TNFAIP8: variants seen among roughly 807,000 people sequenced by gnomAD.
TNFAIP8 encodes the protein tumor necrosis factor alpha-induced protein 8.
Under a neutral mutation model 13.3 loss-of-function variants are expected in TNFAIP8, and 7 were observed. The observed-to-expected ratio is 0.52, with a 90% CI of 0.30 to 0.99. TNFAIP8 has a LOEUF of 0.99. TNFAIP8 is among the 50% of genes least tolerant of loss of function. The pLI, the probability that TNFAIP8 is intolerant of heterozygous loss-of-function variation, is 0.07. For synonymous variants in TNFAIP8, 94 were observed against 87.6 expected (o/e 1.07, Z -0.41); for missense variants, 258 against 236.9 (o/e 1.09, Z -0.58).
chr5:119,359,890 T>C (rs1355431008), intron 1 of TNFAIP8, among the ~76,000 whole-genome samples: 1 of 152,240 alleles, frequency 6.6e-6, no homozygotes, highest in East Asian at 1.9e-4. Context: ...CACCGGACTT[T>C]GACGTGCTTA....
intron 1 of TNFAIP8, among the ~76,000 whole-genome samples, chr5:119,279,719 C>G (rs1748571242): frequency 6.6e-6 from 1 of 152,138 alleles, no homozygotes; most frequent in Admixed American, 6.5e-5. Flanking sequence ...GTAGCTGGGA[C>G]TACAGGTGCA....
chr5:119,320,933 T>G (rs1750035000), intron 1 of TNFAIP8, among the ~76,000 whole-genome samples: 1 of 152,082 alleles, frequency 6.6e-6, no homozygotes, highest in African/African-American at 2.4e-5. Flanking sequence ...AAGACTAGAC[T>G]TGGCTGGGCA....
intron 1 of TNFAIP8, among the ~76,000 whole-genome samples, chr5:119,312,105 G>A (rs1390130636): frequency 6.6e-6 from 1 of 152,096 alleles, no homozygotes; most frequent in Non-Finnish European, 1.5e-5. Context: ...AGGTGGTAGG[G>A]CAAAGGATAG....
intron 1 of TNFAIP8, among the ~76,000 whole-genome samples, chr5:119,334,824 T>A (rs1271270767): frequency 6.6e-6 from 1 of 151,966 alleles, no homozygotes; most frequent in African/African-American, 2.4e-5. Context: ...TATATAGAGT[T>A]GAGATCAGAG....
At chr5:119,339,634 A>T (rs1324373702) in intron 1 of TNFAIP8, among the ~76,000 whole-genome samples, 1 of 152,146 alleles carries the variant, frequency 6.6e-6, no homozygotes, top group Non-Finnish European at 1.5e-5. Context: ...CAGATCACAA[A>T]GGGATTCTCA....
At chr5:119,275,953 C>A (rs1214748468) in intron 1 of TNFAIP8, among the ~76,000 whole-genome samples, 1 of 152,026 alleles carries the variant, frequency 6.6e-6, no homozygotes, top group Non-Finnish European at 1.5e-5. Flanking sequence ...GTTGAGCACA[C>A]CAGGGCCTTT....
intron 1 of TNFAIP8, among the ~76,000 whole-genome samples, chr5:119,301,326 A>C (rs1335399886): frequency 1.3e-5 from 2 of 152,070 alleles, no homozygotes; most frequent in Non-Finnish European, 2.9e-5. Context: ...CCCCTCTGTC[A>C]GTTGGCTTGT....
intron 1 of TNFAIP8, among the ~76,000 whole-genome samples, chr5:119,299,303 G>T (rs1281841943): frequency 6.6e-6 from 1 of 151,728 alleles, no homozygotes; most frequent in South Asian, 2.1e-4. Context: ...TGTCCTTTCT[G>T]TTTGTTAGTT....
chr5:119,388,791 C>G (rs984078698), intron 1 of TNFAIP8, among the ~76,000 whole-genome samples: 4 of 146,232 alleles, frequency 2.7e-5, no homozygotes, highest in African/African-American at 1.0e-4. Flanking sequence ...GGACTACATG[C>G]CCAGCTATTT....
Position 119,386,151 on chromosome 5 carries a change from G to A in TNFAIP8, c.32-6665G>A, listed in dbSNP as rs150179664. The stretch of plus-strand genomic sequence containing the variant: ...CAGTCTTTTTAAAAAAAATGTTTTC[G>A]GTGGAAAACATTCTAATATGTGTTA... On this transcript the variant is annotated intron_variant, in intron 1 of 1. Coordinates refer to ENST00000504771, the MANE Select transcript of TNFAIP8 (RefSeq NM_014350.4). Among the ~76,000 whole-genome samples, 119 of 152,164 alleles carry A rather than the reference G, an allele frequency of 7.8e-4. 1 individual carries two copies. The highest frequency in any genetic ancestry group is 2.7e-3 in the African/African-American group (112 of 41,502).
At chr5:119,387,994 C>G (rs894154397) in intron 1 of TNFAIP8, among the ~76,000 whole-genome samples, 7 of 152,214 alleles carry the variant, frequency 4.6e-5, no homozygotes, top group Non-Finnish European at 1.5e-5. Context: ...TCAGCACTTT[C>G]TCCTTGGGGA....
chr5:119,385,297 C>T (rs1397919224), intron 1 of TNFAIP8, among the ~76,000 whole-genome samples: 2 of 152,194 alleles, frequency 1.3e-5, no homozygotes, highest in African/African-American at 2.4e-5. Context: ...GGCTTCACGC[C>T]CTGCTGTTGG....
At chr5:119,268,858 C>G in exon 1 of TNFAIP8, 1 of 703,624 alleles carries the variant, frequency 1.4e-6, no homozygotes, top group South Asian at 1.5e-5. Context: ...CGCCGCCAAA[C>G]AGCCCAGCTC....
At chr5:119,384,659 A>G (rs1357534922) in intron 1 of TNFAIP8, among the ~76,000 whole-genome samples, 1 of 152,196 alleles carries the variant, frequency 6.6e-6, no homozygotes, top group Non-Finnish European at 1.5e-5. Flanking sequence ...GACTTTGGGT[A>G]ACCACAAAAT....
chr5:119,321,313 GGTTTT>G (rs1180091080), intron 1 of TNFAIP8, among the ~76,000 whole-genome samples: 1 of 152,100 alleles, frequency 6.6e-6, no homozygotes, highest in East Asian at 1.9e-4. Context: ...GGTTTGAATT[GGTTTT>G]TTTTGTTCAT....
At chr5:119,331,288 A>G (rs1750370686) in intron 1 of TNFAIP8, among the ~76,000 whole-genome samples, 1 of 151,806 alleles carries the variant, frequency 6.6e-6, no homozygotes, top group Admixed American at 6.6e-5. Context: ...ACTGCTTCAC[A>G]AATACTTACT....
intron 1 of TNFAIP8, among the ~76,000 whole-genome samples, chr5:119,382,485 C>T (rs189971722): frequency 6.6e-6 from 1 of 152,142 alleles, no homozygotes; most frequent in Non-Finnish European, 1.5e-5. Flanking sequence ...TCGCCACACT[C>T]CTTTCACAAG....
At chr5:119,355,980 C>T (rs533840793), upstream of TNFAIP8, 110 of 1,509,254 alleles carry the variant, frequency 7.3e-5, 1 homozygote, top group South Asian at 1.3e-3. Flanking sequence ...ATTTTAGTGG[C>T]TTTCTTCCTT....
At chr5:119,334,930 A>G (rs570529849) in intron 1 of TNFAIP8, among the ~76,000 whole-genome samples, 2 of 152,158 alleles carry the variant, frequency 1.3e-5, no homozygotes, top group African/African-American at 4.8e-5. Context: ...AGACGTGTAC[A>G]TAAAGCTTCC....
Sources: gnomAD v4.1 joint callset for allele counts (sites outside exome capture counted in the v4.1 genomes callset) on GRCh38, gnomAD v4.1.1 for gene constraint, MANE v1.5 for transcripts, NCBI Gene and HGNC (gene_info 2026-07-23, HGNC 2026-07-21) for gene names.